Variants in PCDHGB2 observed in about 807,000 individuals in gnomAD.
PCDHGB2 encodes the protein protocadherin gamma subfamily B, 2, also known as protocadherin gamma-B2.
A neutral mutation model predicts 59.3 loss-of-function variants in PCDHGB2; 55 were observed. That is an observed-to-expected ratio of 0.93 (90% CI 0.75 to 1.16). PCDHGB2 has a LOEUF of 1.16. Ranked by LOEUF, PCDHGB2 falls within the 50% of genes most tolerant of loss-of-function variation. The pLI, the probability that PCDHGB2 is intolerant of heterozygous loss-of-function variation, is 0.00. For missense variants in PCDHGB2, 1,228 were observed against 1,198.5 expected, an observed-to-expected ratio of 1.02 and a Z score of -0.36; for synonymous variants, 516 against 512.0, an observed-to-expected ratio of 1.01 and a Z score of -0.11.
chr5:141,383,861 C>T, intron 1 of PCDHGB2: 2 of 1,613,936 alleles, frequency 1.2e-6, no homozygotes, highest in Non-Finnish European at 8.5e-7. Context: ...GAGGTTCAGG[C>T]TCAAGATGGT....
intron 1 of PCDHGB2, chr5:141,371,507 A>G: frequency 6.2e-7 from 1 of 1,613,910 alleles, no homozygotes; most frequent in Non-Finnish European, 8.5e-7. Context: ...TGATCAAAAC[A>G]CATGATCTAG....
rs745516293 is a variant in PCDHGB2, at chr5:141,382,909, C to T, written c.2421+20353C>T. 11 of 1,546,196 alleles carry T rather than the reference C, an allele frequency of 7.1e-6. No homozygotes were observed. The South Asian group carries it at 1.4e-4, about 19-fold the overall frequency. On this transcript the variant is annotated intron_variant, in intron 1 of 3. Transcript: ENST00000522605. Reference sequence around the variant, plus strand: ...GAGAAGCAGGACGACTATGGCGGCTCAGCCGAGGGGCGGGGACTACAGAGG... The same window carrying T: ...GAGAAGCAGGACGACTATGGCGGCTTAGCCGAGGGGCGGGGACTACAGAGG...
At chr5:141,415,740 G>GTTTTTTTTTTTTTTTGT (rs2095912649) in intron 1 of PCDHGB2, 1 of 515,998 alleles carries the variant, frequency 1.9e-6, no homozygotes, top group Non-Finnish European at 2.6e-6. Flanking sequence ...GTTTATTAAG[G>GTTTTTTTTTTTTTTTGT]TTTTTTTTTT....
intron 1 of PCDHGB2, chr5:141,392,255 G>A (rs912458411): frequency 4.6e-5 from 7 of 152,104 alleles, no homozygotes; most frequent in Non-Finnish European, 1.0e-4. Flanking sequence ...AGTATATATT[G>A]GAGACATTTA....
At chr5:141,440,822 A>T (rs1561900737) in intron 1 of PCDHGB2, 2 of 152,058 alleles carry the variant, frequency 1.3e-5, no homozygotes, top group Non-Finnish European at 2.9e-5. Context: ...TCAACTCCTG[A>T]TCCTATTGGT....
intron 1 of PCDHGB2, among the ~76,000 whole-genome samples, chr5:141,488,087 G>A (rs1479773288): frequency 6.6e-6 from 1 of 152,198 alleles, no homozygotes; most frequent in East Asian, 1.9e-4. Flanking sequence ...CTAGTACACT[G>A]TGAAGGGACC....
intron 1 of PCDHGB2, among the ~76,000 whole-genome samples, chr5:141,455,172 G>GT (rs1344126228): frequency 3.3e-5 from 5 of 150,340 alleles, no homozygotes; most frequent in South Asian, 4.2e-4. Context: ...TTTTTTTTTA[G>GT]TTTTTTTATT....
At chr5:141,413,109 A>G in intron 1 of PCDHGB2, 2 of 1,498,490 alleles carry the variant, frequency 1.3e-6, no homozygotes, top group African/African-American at 1.4e-5. Flanking sequence ...ACAGAAAGAC[A>G]AAGGAACCGG....
chr5:141,386,789 A>G lies in PCDHGB2; in HGVS notation c.2421+24233A>G, dbSNP rs144966256. Among the ~76,000 whole-genome samples the G allele has an allele frequency of 8.8e-3, 1,344 of 152,342 alleles. 18 individuals carry two copies. Among genetic ancestry groups the G allele is most frequent in the African/African-American group, 0.031 (1,269 of 41,584 alleles). On this transcript the variant is annotated intron_variant, in intron 1 of 3. Coordinates refer to ENST00000522605, the MANE Select transcript of PCDHGB2 (RefSeq NM_018923.3). ...GTATTTTGTAAAAGAAAATCTCCTG[A>G]CCAAAATTTATTAGATGCATAAAAT...
Position 141,490,672 on chromosome 5 carries a change from G to A in PCDHGB2, c.2422-4135G>A. ...GGGCTCCCTTCTTTGCACTGTGGCT[G>A]CCTCAGATCCAGACACTGGGGATAA... is the stretch of plus-strand genomic sequence containing the variant. On this transcript the variant is annotated intron_variant, in intron 1 of 3. Transcript: ENST00000522605. This position sits in a 1 kb window ranked among gnomAD's most constrained non-coding sequence, Gnocchi z 5.4. 1.2e-6 allele frequency: 2 copies of A among 1,614,114 alleles called. No homozygotes were observed. Among genetic ancestry groups the A allele is most frequent in the Non-Finnish European group, 1.7e-6 (2 of 1,179,996 alleles).
At chr5:141,371,875 G>T in intron 1 of PCDHGB2, 1 of 1,613,506 alleles carries the variant, frequency 6.2e-7, no homozygotes, top group Non-Finnish European at 8.5e-7. Context: ...ATCGTGGCCA[G>T]TGACCTGGAG....
intron 1 of PCDHGB2, chr5:141,408,896 GT>G: frequency 6.2e-7 from 1 of 1,613,328 alleles, no homozygotes; most frequent in Non-Finnish European, 8.5e-7. Context: ...AGAAATTTCT[GT>G]CAAGGATACC....
chr5:141,477,560 T>C lies in PCDHGB2; in HGVS notation c.2422-17247T>C, dbSNP rs2099412994. The C allele has an allele frequency of 1.2e-6, 2 of 1,614,078 alleles. No homozygotes were observed. Among genetic ancestry groups the C allele is most frequent in the South Asian group, 2.2e-5 (2 of 91,094 alleles). ...GGCTCCAATACTAAACCTAAGTGTC[T>C]GGGACCCCGACGCCCCGCAGAATGC... On this transcript the variant is annotated intron_variant, in intron 1 of 3. Transcript: ENST00000522605. This position sits in a 1 kb window ranked among gnomAD's most constrained non-coding sequence, Gnocchi z 4.9.
chr5:141,404,429 G>A (rs760246804), intron 1 of PCDHGB2: 1 of 1,613,682 alleles, frequency 6.2e-7, no homozygotes, highest in East Asian at 2.2e-5. Flanking sequence ...CTCCTTGGCA[G>A]AGGATACCAT....
intron 1 of PCDHGB2, chr5:141,422,160 A>C: frequency 6.4e-7 from 1 of 1,573,304 alleles, no homozygotes; most frequent in South Asian, 1.2e-5. Context: ...TGGATTTTGA[A>C]AAATATAGAT....
intron 1 of PCDHGB2, among the ~76,000 whole-genome samples, chr5:141,471,995 TG>T: frequency 6.6e-6 from 1 of 152,322 alleles, no homozygotes; most frequent in East Asian, 1.9e-4. Context: ...TAAAAATCCC[TG>T]CATCGTATAG....
At chr5:141,494,099 C>T (rs976610819) in intron 1 of PCDHGB2, among the ~76,000 whole-genome samples, 3 of 152,172 alleles carry the variant, frequency 2.0e-5, no homozygotes, top group South Asian at 2.1e-4. Context: ...CATTTTTCTC[C>T]GTCTCAGACA....
At chr5:141,384,927 C>A in intron 1 of PCDHGB2, 1 of 1,614,014 alleles carries the variant, frequency 6.2e-7, no homozygotes, top group Non-Finnish European at 8.5e-7. Flanking sequence ...CCGACCTGGG[C>A]AGCCTTGAGC....
rs1004176028 is a variant in PCDHGB2 at position 141,477,025 on chromosome 5, G to A, written c.2422-17782G>A. On this transcript the variant is annotated intron_variant, in intron 1 of 3. Transcript: ENST00000522605. This position sits in a 1 kb window ranked among gnomAD's most constrained non-coding sequence, Gnocchi z 4.9. ...TCGCCTTAGACCTTGTAACCGGGATGCTGACAATCAAGGGTCGGCTGGACT... is the reference window on the plus strand; with the variant it reads ...TCGCCTTAGACCTTGTAACCGGGATACTGACAATCAAGGGTCGGCTGGACT... 10 of 1,614,146 alleles carry A rather than the reference G, an allele frequency of 6.2e-6. No homozygotes were observed. Among genetic ancestry groups the A allele is most frequent in the East Asian group, 2.2e-5 (1 of 44,888 alleles).
Sources: allele counts gnomAD v4.1 joint callset (sites outside exome capture counted in the v4.1 genomes callset), GRCh38; gene constraint gnomAD v4.1.1; non-coding constraint Gnocchi (gnomAD v3.1); transcripts MANE v1.5; gene names NCBI Gene and HGNC (gene_info 2026-07-23, HGNC 2026-07-21).